Variants in ZNF517 observed in about 807,000 individuals in gnomAD.
ZNF517 encodes the protein zinc finger protein 517.
Under a neutral mutation model 12.1 loss-of-function variants are expected in ZNF517, and 12 were observed. That is an observed-to-expected ratio of 0.99 (90% CI 0.63 to 1.61). The LOEUF (loss-of-function observed/expected upper bound fraction) is 1.61. Ranked by LOEUF, ZNF517 falls within the 40% of genes most tolerant of loss-of-function variation. ZNF517 has a pLI of 0.00. For synonymous variants in ZNF517, 388 were observed against 310.2 expected, an observed-to-expected ratio of 1.25 and a Z score of -2.63; for missense variants, 781 against 693.2, an observed-to-expected ratio of 1.13 and a Z score of -1.42.
rs201007705 is a variant in ZNF517 at position 144,809,876 on chromosome 8, A to ACC, written c.*1485_*1486dup. On this transcript the variant is annotated 3_prime_UTR_variant, in exon 5 of 5. Transcript: ENST00000359971. ...AGACCAGCCTGGCCAACATGGTGAG[A>ACC]CCCCCGTCTCTACTAAAAGTACAAA... 8.7e-5 allele frequency: 26 copies of ACC among 299,672 alleles called. No homozygotes were observed. The highest frequency in any genetic ancestry group is 5.4e-4 in the African/African-American group (25 of 46,308). 18.6% of individuals were successfully genotyped at this position (299,672 alleles called of 1,614,324 possible).
Position 144,807,768 on chromosome 8 carries a change from C to G in ZNF517, c.852C>G (p.Thr284=). 6.2e-7 allele frequency: 1 copy of G among 1,612,302 alleles called. No individual in the cohort carries two copies. Among genetic ancestry groups the G allele is most frequent in the Non-Finnish European group, 8.5e-7 (1 of 1,179,560 alleles). The part of the protein sequence containing the change: ...SRLLQHQKFH[T]GEKPFACTEC... ...TGCTGCAGCACCAGAAGTTCCACAC[C>G]GGGGAGAAGCCCTTCGCGTGCACAG... Residue 284 remains threonine, a synonymous_variant, in exon 5 of 5, where the codon ACC becomes ACG. Transcript: ENST00000359971.
At chr8:144,801,944 G>A (rs1405595186) in intron 1 of ZNF517, among the ~76,000 whole-genome samples, 2 of 152,050 alleles carry the variant, frequency 1.3e-5, no homozygotes, top group African/African-American at 4.8e-5. Context: ...GAGGTGGGAG[G>A]ATTGCTTGAG....
In ZNF517 at chr8:144,808,174, A is replaced by G. The variant is rs751812125; in HGVS notation, c.1258A>G (p.Lys420Glu). ...CACTCTGCACCAGAAGATCCACACC[A>G]AGGAGAAGCCCTTCGCGTGCACCGA... ...NLTLHQKIHT[K>E]EKPFACTECG... Residue 420 changes from lysine to glutamate, a missense_variant, in exon 5 of 5, where the codon AAG becomes GAG. Lys to Glu is a moderately conservative substitution (Grantham distance 56). Coordinates refer to ENST00000359971, the MANE Select transcript of ZNF517 (RefSeq NM_213605.3). The G allele has an allele frequency of 1.4e-5, 22 of 1,583,416 alleles. No homozygotes were observed. In the South Asian group the frequency reaches 2.0e-4, roughly 15 times the overall value.
rs558333801 is a variant in ZNF517, at chr8:144,808,540, C to G, written c.*145C>G. 898 of 1,203,756 alleles carry G rather than the reference C, an allele frequency of 7.5e-4. 20 individuals carry two copies. In the South Asian group the frequency reaches 0.024, roughly 32 times the overall value. The allele number at this position is 1,203,756 out of a possible 1,614,324, so 74.6% of individuals were successfully genotyped here. ...CTCCCATCAGGAGCTCGGCTTCTTG[C>G]TCCAGCCGGGCACTGGGGAGGGAAA... is the stretch of plus-strand genomic sequence containing the variant. On this transcript the variant is annotated 3_prime_UTR_variant, in exon 5 of 5. Coordinates refer to ENST00000359971, the MANE Select transcript of ZNF517 (RefSeq NM_213605.3).
downstream of ZNF517, among the ~76,000 whole-genome samples, chr8:144,812,577 G>C (rs576765642): frequency 1.9e-4 from 29 of 152,370 alleles, no homozygotes; most frequent in African/African-American, 6.0e-4. Flanking sequence ...TCCTCTTTCG[G>C]GGCATTTCTG....
At chr8:144,800,673 G>C in intron 1 of ZNF517, 1 of 985,386 alleles carries the variant, frequency 1.0e-6, no homozygotes, top group Non-Finnish European at 1.2e-6. Context: ...GTGTGGCCCT[G>C]CTCTTCCATG....
At position 144,804,794 on chromosome 8, in the gene ZNF517, A is replaced by G. The variant is rs894974910; in HGVS notation, c.274+556A>G. ...CGGACAGGGGGTCCTTCCCTGTTTG[A>G]CAGCCGAGGCGGAGAGAGAGACAGG... On this transcript the variant is annotated intron_variant, in intron 4 of 4. Coordinates refer to ENST00000359971, the MANE Select transcript of ZNF517 (RefSeq NM_213605.3). Among the ~76,000 whole-genome samples the G allele has an allele frequency of 2.6e-5, 4 of 152,328 alleles. No individual in the cohort carries two copies. The South Asian group carries it at 8.3e-4, about 32-fold the overall frequency.
Position 144,803,286 on chromosome 8 carries a change from C to T in ZNF517, c.33+339C>T, listed in dbSNP as rs573762772. On this transcript the variant is annotated intron_variant, in intron 2 of 4. Coordinates refer to ENST00000359971, the MANE Select transcript of ZNF517 (RefSeq NM_213605.3). ...TCCTCCCTCTCCTGATGCTGACTCA[C>T]TGCTGGTGTTAGAAATTGAGACCCA... The T allele has an allele frequency of 2.4e-5, 11 of 466,822 alleles. No homozygotes were observed. In the East Asian group the frequency reaches 3.6e-4, roughly 15 times the overall value. 28.9% of individuals were successfully genotyped at this position (466,822 alleles called of 1,614,324 possible). A position where few individuals can be genotyped will look rare whatever the true frequency, so the allele number is the denominator to read the frequency against.
chr8:144,801,651 G>C (rs1336929848), intron 1 of ZNF517, among the ~76,000 whole-genome samples: 1 of 152,138 alleles, frequency 6.6e-6, no homozygotes. Context: ...CTAATTTTTT[G>C]TATTTTTAGT....
At chr8:144,807,039 T>A in intron 4 of ZNF517, 152 bp from the exon 5 acceptor site, 2 of 1,009,216 alleles carry the variant, frequency 2.0e-6, no homozygotes, top group Non-Finnish European at 2.7e-6. Flanking sequence ...TGCCTCAGCC[T>A]CCTGTATACA....
chr8:144,802,891 G>C lies in ZNF517; in HGVS notation c.-24G>C. The C allele has an allele frequency of 1.2e-6, 2 of 1,613,886 alleles. No individual in the cohort carries two copies. Among genetic ancestry groups the C allele is most frequent in the Non-Finnish European group, 1.7e-6 (2 of 1,179,938 alleles). Reference sequence around the variant, plus strand: ...TCAGAATTCACTGTCTGTAGCATCTGCTCCTCCACAGAGGGACCCTGGAAT... The same window carrying C: ...TCAGAATTCACTGTCTGTAGCATCTCCTCCTCCACAGAGGGACCCTGGAAT... On this transcript the variant is annotated 5_prime_UTR_variant, in exon 2 of 5. Transcript: ENST00000359971.
intron 2 of ZNF517, 46 bp from the exon 3 acceptor site, chr8:144,803,595 C>T: frequency 6.2e-7 from 1 of 1,609,632 alleles, no homozygotes. Flanking sequence ...CTGCTGGGTT[C>T]TCACCGAGCC....
chr8:144,807,962 T>C lies in ZNF517; in HGVS notation c.1046T>C (p.Val349Ala), dbSNP rs2976653. ...HAQEGAQDGG[V>A]GQGALLGAAQ... ...CAGGAGGGTGCCCAGGACGGCGGCG[T>C]GGGGCAGGGCGCCCTGCTCGGAGCT... Residue 349 changes from valine to alanine, a missense_variant, in exon 5 of 5, where the codon GTG (valine) becomes GCG (alanine). By Grantham distance (64) the Val-to-Ala change is moderately conservative (BLOSUM62 0). Transcript: ENST00000359971. The C allele has an allele frequency of 0.99, 1,490,629 of 1,502,654 alleles. 739,390 individuals carry two copies. The highest frequency in any genetic ancestry group is 1 in the East Asian group (41,847 of 41,850). 93.1% of individuals were successfully genotyped at this position (1,502,654 alleles called of 1,614,324 possible).
At position 144,804,122 on chromosome 8, in the gene ZNF517, T is replaced by C; in HGVS notation, c.161-3T>C. ...ACGTGCTGCTTTCCTTCTCTGAGCT[T>C]AGGCTTTCTTGTTGCCAAACCAGCA... is the stretch of plus-strand genomic sequence containing the variant. On this transcript the variant is annotated splice_polypyrimidine_tract_variant and splice_region_variant and intron_variant, in intron 3 of 4. Coordinates refer to ENST00000359971, the MANE Select transcript of ZNF517 (RefSeq NM_213605.3). The C allele has an allele frequency of 6.2e-7, 1 of 1,613,880 alleles. No individual in the cohort carries two copies. Among genetic ancestry groups the C allele is most frequent in the Non-Finnish European group, 8.5e-7 (1 of 1,179,796 alleles).
At position 144,808,145 on chromosome 8, in the gene ZNF517, A is replaced by T; in HGVS notation, c.1229A>T (p.Asn410Ile). ...ECGKAFGRKS[N>I]LTLHQKIHTK... ...GGCAAGGCCTTCGGTCGCAAGTCCA[A>T]CCTCACTCTGCACCAGAAGATCCAC... The change falls in exon 5 of 5, where the codon AAC (asparagine) becomes ATC (isoleucine). Residue 410 changes from asparagine (N) to isoleucine (I), a missense_variant. Coordinates refer to ENST00000359971, the MANE Select transcript of ZNF517 (RefSeq NM_213605.3). 1 of 1,603,586 alleles carries T rather than the reference A, an allele frequency of 6.2e-7. No homozygotes were observed.
chr8:144,804,148 C>A lies in ZNF517; in HGVS notation c.184C>A (p.Leu62Met). ...AGGCTTTCTTGTTGCCAAACCAGCA[C>A]TGATCTCCCTATTGGAGCAAGGAGA... ...SLGFLVAKPA[L>M]ISLLEQGEEP... Residue 62 changes from leucine to methionine, a missense_variant, in exon 4 of 5, where the codon CTG becomes ATG. Coordinates refer to ENST00000359971, the MANE Select transcript of ZNF517 (RefSeq NM_213605.3). 3 of 1,614,170 alleles carry A rather than the reference C, an allele frequency of 1.9e-6. No homozygotes were observed. The highest frequency in any genetic ancestry group is 2.5e-6 in the Non-Finnish European group (3 of 1,179,994).
At chr8:144,802,987 G>A (rs752046830) in intron 2 of ZNF517, 40 bp downstream of exon 2, 15 of 1,612,562 alleles carry the variant, frequency 9.3e-6, no homozygotes, top group Non-Finnish European at 1.3e-5. Flanking sequence ...CCAGGAGACT[G>A]CTTCGCCCCT....
downstream of ZNF517, among the ~76,000 whole-genome samples, chr8:144,812,496 AG>A (rs1330744204): frequency 1.3e-5 from 2 of 151,912 alleles, no homozygotes; most frequent in East Asian, 3.9e-4. Context: ...AGGCTGAGAC[AG>A]GGTGGGAGAG....
At chr8:144,804,319 C>T (rs1827119628) in intron 4 of ZNF517, 81 bp downstream of exon 4, 4 of 1,004,274 alleles carry the variant, frequency 4.0e-6, no homozygotes, top group Non-Finnish European at 5.9e-6. Context: ...GTCCCTTCTT[C>T]TACAGTGGGA....
Sources: gnomAD v4.1 joint callset for allele counts (sites outside exome capture counted in the v4.1 genomes callset) on GRCh38, gnomAD v4.1.1 for gene constraint, MANE v1.5 for transcripts, NCBI Gene and HGNC (gene_info 2026-07-23, HGNC 2026-07-21) for gene names.